Variants in GSR observed in about 807,000 individuals in gnomAD.
GSR encodes glutathione-disulfide reductase.
A neutral mutation model predicts 56.5 loss-of-function variants in GSR; 48 were observed. The observed-to-expected ratio is 0.85, with a 90% CI of 0.67 to 1.08. GSR has a LOEUF of 1.08. Among genes scored for constraint, GSR ranks in the 50% least tolerant of loss-of-function variants. The pLI, the probability that GSR is intolerant of heterozygous loss-of-function variation, is 0.00. For synonymous variants in GSR, 264 were observed against 270.8 expected (o/e 0.97, Z 0.25); for missense variants, 694 against 703.3 (o/e 0.99, Z 0.15).
Position 30,678,172 on chromosome 8 carries a change from A to T in GSR, c.*1348T>A, listed in dbSNP as rs1337143583. 1 of 151,966 alleles carries T rather than the reference A, an allele frequency of 6.6e-6. No individual in the cohort carries two copies. The highest frequency in any genetic ancestry group is 2.4e-5 in the African/African-American group (1 of 41,376). The allele number at this position is 151,966 out of a possible 1,614,324, so 9.4% of individuals were successfully genotyped here. ...TATTGAAATTATTCATTGAACTATA[A>T]ACACTTAGCAGAGGAAGGGACTTTT... On this transcript the variant is annotated 3_prime_UTR_variant, in exon 13 of 13. Transcript: ENST00000221130.
chr8:30,711,928 C>T, intron 2 of GSR, 134 bp downstream of exon 2: 2 of 457,558 alleles, frequency 4.4e-6, no homozygotes, highest in Admixed American at 3.9e-5. Context: ...ATTGCTTAAG[C>T]TACTTTTAGT....
chr8:30,692,834 A>T (rs765218366), intron 8 of GSR, 135 bp downstream of exon 8: 1 of 709,906 alleles, frequency 1.4e-6, no homozygotes, highest in Non-Finnish European at 2.6e-6. Flanking sequence ...AGGAAATAAT[A>T]GGGAGTACCC....
At chr8:30,706,900 G>A (rs770870422) in intron 4 of GSR, 4 of 152,208 alleles carry the variant, frequency 2.6e-5, no homozygotes, top group African/African-American at 7.2e-5. Context: ...ACTTTGGGAG[G>A]CCGAGGTGGG....
rs187394555 is a variant in GSR at position 30,727,530 on chromosome 8, G to A, written c.306C>T (p.Cys102=). 1.0e-4 allele frequency: 159 copies of A among 1,537,126 alleles called. No individual in the cohort carries two copies. The African/African-American group carries it at 1.9e-3, about 18-fold the overall frequency. Residue 102 remains cysteine, a splice_region_variant and synonymous_variant, in exon 1 of 13, where the codon TGC becomes TGT. Transcript: ENST00000221130. ...VVESHKLGGT[C]VNVGCVPKKV... Reference sequence around the variant, plus strand: ...GCCCGAACAAACCGGCGGTACTCACGCAAGTGCCACCCAGCTTGTGGCTCT... The same window carrying A: ...GCCCGAACAAACCGGCGGTACTCACACAAGTGCCACCCAGCTTGTGGCTCT...
At chr8:30,714,916 C>T (rs188027179) in intron 1 of GSR, among the ~76,000 whole-genome samples, 26 of 152,266 alleles carry the variant, frequency 1.7e-4, no homozygotes, top group Admixed American at 1.6e-3. Flanking sequence ...AGCAATTATT[C>T]CACTATTCCT....
intron 6 of GSR, among the ~76,000 whole-genome samples, chr8:30,699,452 T>C (rs1803654719): frequency 6.6e-6 from 1 of 151,054 alleles, no homozygotes. Context: ...CTACTAAAAA[T>C]ACAAAATTAG....
chr8:30,697,799 C>T (rs951880844), intron 6 of GSR, among the ~76,000 whole-genome samples: 8 of 152,128 alleles, frequency 5.3e-5, no homozygotes, highest in Admixed American at 1.3e-4. Flanking sequence ...AGTGATCCTC[C>T]GGCCTGAGCC....
intron 1 of GSR, among the ~76,000 whole-genome samples, chr8:30,721,366 G>A (rs1365623514): frequency 6.6e-6 from 1 of 152,178 alleles, no homozygotes; most frequent in Non-Finnish European, 1.5e-5. Context: ...AAATGCCAAA[G>A]TGGTCCGGGC....
At chr8:30,712,608 A>G (rs2128746959) in intron 1 of GSR, among the ~76,000 whole-genome samples, 1 of 151,772 alleles carries the variant, frequency 6.6e-6, no homozygotes, top group African/African-American at 2.4e-5. Flanking sequence ...TGGAAAGACA[A>G]GGCTGCAGTA....
In GSR at chr8:30,693,042, A is replaced by ACACC; in HGVS notation, c.808_809insGGTG (p.Phe270TrpfsTer3). ...GCAGTTGGTGCTGATCATTGAATCA[A>ACACC]AACTTCTAAGTACCTGCATATCAAC... On this transcript the variant is annotated frameshift_variant, in exon 8 of 13. Coordinates refer to ENST00000221130, the MANE Select transcript of GSR (RefSeq NM_000637.5). LOFTEE classifies it high-confidence loss of function. 1 of 1,608,786 alleles carries ACACC rather than the reference A, an allele frequency of 6.2e-7. No homozygotes were observed. Among genetic ancestry groups the ACACC allele is most frequent in the Non-Finnish European group, 8.5e-7 (1 of 1,175,460 alleles).
At chr8:30,711,719 G>C (rs2128746687) in intron 2 of GSR, among the ~76,000 whole-genome samples, 1 of 152,274 alleles carries the variant, frequency 6.6e-6, no homozygotes, top group Non-Finnish European at 1.5e-5. Context: ...TGTCATCCCA[G>C]CTACTTGGGA....
intron 2 of GSR, among the ~76,000 whole-genome samples, chr8:30,711,301 T>C (rs1432633906): frequency 2.0e-5 from 3 of 152,222 alleles, no homozygotes; most frequent in Admixed American, 6.5e-5. Flanking sequence ...GTAAAATTCT[T>C]TGCAAGTATA....
intron 1 of GSR, among the ~76,000 whole-genome samples, chr8:30,713,238 T>C (rs1445798680): frequency 1.3e-5 from 2 of 152,204 alleles, no homozygotes; most frequent in African/African-American, 2.4e-5. Context: ...GGTTTTGCCA[T>C]GTTGGCCATG....
rs531673951 is a variant in GSR, at chr8:30,692,422, C to T, written c.882+547G>A. 2.8e-3 allele frequency among the ~76,000 whole-genome samples: 419 copies of T among 150,786 alleles called. 1 individual carries two copies. The highest frequency in any genetic ancestry group is 5.2e-3 in the Non-Finnish European group (355 of 67,786). On this transcript the variant is annotated intron_variant, in intron 8 of 12. Transcript: ENST00000221130. The stretch of plus-strand genomic sequence containing the variant: ...TGTTGGTCAGGCTGGTCTCAAACTC[C>T]CAACCTCAGGTGATCCGCCTGCCTC...
chr8:30,679,600 T>C lies in GSR; in HGVS notation c.1489A>G (p.Met497Val), dbSNP rs775204777. The C allele has an allele frequency of 6.2e-7, 1 of 1,613,956 alleles. No individual in the cohort carries two copies. Among genetic ancestry groups the C allele is most frequent in the Non-Finnish European group, 8.5e-7 (1 of 1,179,900 alleles). The stretch of plus-strand genomic sequence containing the variant: ...TCAAAGTCTGCCTTCGTTGCTCCCA[T>C]CTTCACTGCAACAGCAAAACCCTGC... ...MLQGFAVAVK[M>V]GATKADFDNT... is the part of the protein sequence containing the mutation. The change falls in exon 13 of 13, where the codon ATG becomes GTG. Residue 497 changes from methionine (M) to valine (V), a missense_variant. Physicochemically the swap from Met to Val is conservative, Grantham distance 21. Coordinates refer to ENST00000221130, the MANE Select transcript of GSR (RefSeq NM_000637.5).
chr8:30,680,331 A>T (rs1802900116), intron 12 of GSR, among the ~76,000 whole-genome samples: 1 of 146,976 alleles, frequency 6.8e-6, no homozygotes, highest in Middle Eastern at 3.3e-3. Flanking sequence ...GGCCTCCCAA[A>T]GTGTTAGGAT....
chr8:30,705,390 A>G (rs886976113), intron 4 of GSR, among the ~76,000 whole-genome samples: 1 of 152,026 alleles, frequency 6.6e-6, no homozygotes, highest in Admixed American at 6.6e-5. Context: ...AGCCTTCCAA[A>G]TAGCTGGGAA....
chr8:30,712,728 G>A (rs777028893), intron 1 of GSR, among the ~76,000 whole-genome samples: 11 of 152,152 alleles, frequency 7.2e-5, no homozygotes, highest in Non-Finnish European at 1.5e-4. Context: ...AGATACTGGT[G>A]AATACTCACC....
chr8:30,703,071 G>C (rs1345193019), intron 5 of GSR, 22 bp downstream of exon 5: 1 of 1,611,650 alleles, frequency 6.2e-7, no homozygotes, highest in Admixed American at 1.7e-5. Context: ...TGCTGTTAAT[G>C]AGTACCTGTT....
Sources: gnomAD v4.1 joint callset for allele counts (sites outside exome capture counted in the v4.1 genomes callset) on GRCh38, gnomAD v4.1.1 for gene constraint, MANE v1.5 for transcripts, NCBI Gene and HGNC (gene_info 2026-07-23, HGNC 2026-07-21) for gene names.